CCDC12: variants seen among roughly 807,000 people sequenced by gnomAD.
CCDC12 encodes the protein coiled-coil domain-containing protein 12.
In CCDC12, 28 loss-of-function variants were observed where a neutral mutation model predicts 25.7. The observed-to-expected ratio is 1.09, with a 90% confidence interval of 0.81 to 1.50. The LOEUF (loss-of-function observed/expected upper bound fraction) is 1.50. Among genes scored for constraint, CCDC12 ranks in the 40% most tolerant of loss-of-function variants. The pLI is 0.00. For synonymous variants in CCDC12, 75 were observed against 87.7 expected (o/e 0.86, Z 0.81); for missense variants, 198 against 210.0 (o/e 0.94, Z 0.35).
intron 1 of CCDC12, among the ~76,000 whole-genome samples, chr3:46,963,154 G>A (rs1342334209): frequency 1.3e-5 from 2 of 152,184 alleles, no homozygotes; most frequent in African/African-American, 2.4e-5. Context: ...AGTCCAGAGT[G>A]GTTCCCCTTG....
At chr3:46,950,886 C>T (rs1241038537) in intron 1 of CCDC12, among the ~76,000 whole-genome samples, 2 of 151,996 alleles carry the variant, frequency 1.3e-5, no homozygotes, top group Admixed American at 6.6e-5. Flanking sequence ...TTATGCTAAG[C>T]GAAATAAGCC....
At chr3:46,955,020 C>T (rs2034244171) in intron 1 of CCDC12, among the ~76,000 whole-genome samples, 1 of 152,240 alleles carries the variant, frequency 6.6e-6, no homozygotes, top group South Asian at 2.1e-4. Context: ...TATTCAAAGC[C>T]TGTGACCAAC....
At position 46,922,234 on chromosome 3, in the gene CCDC12, A is replaced by G; in HGVS notation, c.418+2T>C. The G allele has an allele frequency of 6.2e-7, 1 of 1,614,250 alleles. No homozygotes were observed. The highest frequency in any genetic ancestry group is 8.5e-7 in the Non-Finnish European group (1 of 1,180,036). On this transcript the variant is annotated splice_donor_variant, in intron 6 of 6. Transcript: ENST00000683445. LOFTEE classifies it high-confidence loss of function. ...CCCCACCTTCCCAGGCACTGCACTT[A>G]CGGATCAGCTCGGCAATGGCCCTCT...
At chr3:46,962,434 C>CAAAAAAAAAAAAAAAAAAAAAAA (rs33969115) in intron 1 of CCDC12, among the ~76,000 whole-genome samples, 1 of 63,182 alleles carries the variant, frequency 1.6e-5, no homozygotes, top group African/African-American at 6.5e-5. Context: ...AACTCTATCT[C>CAAAAAAAAAAAAAAAAAAAAAAA]AAAAAAAAAA....
chr3:46,937,578 A>G (rs2033502082), intron 2 of CCDC12, among the ~76,000 whole-genome samples: 1 of 152,226 alleles, frequency 6.6e-6, no homozygotes, highest in Non-Finnish European at 1.5e-5. Flanking sequence ...CTTTCTCTCC[A>G]GTGGCAAAGG....
chr3:46,950,180 C>T (rs1342217270), intron 1 of CCDC12, among the ~76,000 whole-genome samples: 2 of 152,154 alleles, frequency 1.3e-5, no homozygotes, highest in Non-Finnish European at 2.9e-5. Flanking sequence ...CTCACCCACC[C>T]CTTGCCCTGA....
intron 1 of CCDC12, among the ~76,000 whole-genome samples, chr3:46,960,333 G>A (rs369720047): frequency 1.1e-3 from 174 of 152,080 alleles, no homozygotes; most frequent in South Asian, 4.6e-3. Context: ...TACATAGATG[G>A]AAGCTGCCTG....
At chr3:46,972,593 G>A (rs1011271255) in intron 1 of CCDC12, among the ~76,000 whole-genome samples, 2 of 151,840 alleles carry the variant, frequency 1.3e-5, no homozygotes, top group Admixed American at 6.6e-5. Flanking sequence ...ACCACAATGG[G>A]ATACCACCAC....
At chr3:46,953,090 G>A (rs1046369207) in intron 1 of CCDC12, among the ~76,000 whole-genome samples, 7 of 152,062 alleles carry the variant, frequency 4.6e-5, no homozygotes, top group East Asian at 1.9e-4. Context: ...CAAACCCATC[G>A]AGAGCCCCAA....
chr3:46,923,472 G>T (rs2032788414), intron 4 of CCDC12, 109 bp from the exon 5 acceptor site: 2 of 1,495,736 alleles, frequency 1.3e-6, no homozygotes, highest in Non-Finnish European at 1.8e-6. Context: ...GAAGGAGAGG[G>T]ACGAGAGCAA....
At chr3:46,976,326 A>C in intron 1 of CCDC12, 2 of 1,278,174 alleles carry the variant, frequency 1.6e-6, no homozygotes, top group South Asian at 1.9e-5. Flanking sequence ...CAAGCATCTG[A>C]ACCTACAGGC....
chr3:46,948,054 G>C (rs2107154131), intron 1 of CCDC12, among the ~76,000 whole-genome samples: 1 of 152,350 alleles, frequency 6.6e-6, no homozygotes, highest in Non-Finnish European at 1.5e-5. Context: ...TGCCTCTGCA[G>C]AGGTCATGGG....
chr3:46,969,794 A>C (rs978743968), intron 1 of CCDC12, among the ~76,000 whole-genome samples: 7 of 152,206 alleles, frequency 4.6e-5, no homozygotes, highest in African/African-American at 1.7e-4. Context: ...GTCAGGCTGA[A>C]GGGAGCAAGT....
intron 1 of CCDC12, among the ~76,000 whole-genome samples, chr3:46,956,221 G>C (rs574170210): frequency 6.6e-6 from 1 of 152,346 alleles, no homozygotes; most frequent in Admixed American, 6.5e-5. Context: ...GATATGAGCT[G>C]ATAGAGGATA....
chr3:46,963,912 C>T (rs570385095), intron 1 of CCDC12, among the ~76,000 whole-genome samples: 2 of 151,702 alleles, frequency 1.3e-5, no homozygotes, highest in African/African-American at 4.9e-5. Context: ...TCTGCCTGGC[C>T]GCCCATCGTC....
At chr3:46,943,430 G>A (rs1224589171) in intron 1 of CCDC12, among the ~76,000 whole-genome samples, 1 of 152,240 alleles carries the variant, frequency 6.6e-6, no homozygotes, top group African/African-American at 2.4e-5. Context: ...TAAGGGCAGA[G>A]AAGGAAAAGC....
chr3:46,947,668 C>T (rs761728018), intron 1 of CCDC12, among the ~76,000 whole-genome samples: 6 of 152,074 alleles, frequency 3.9e-5, no homozygotes, highest in African/African-American at 1.2e-4. Context: ...TGACTTGGTC[C>T]GAGTATCCAC....
chr3:46,976,462 G>A lies in CCDC12; in HGVS notation c.96+175C>T, dbSNP rs911887676. 30 of 1,427,024 alleles carry A rather than the reference G, an allele frequency of 2.1e-5. No homozygotes were observed. The African/African-American group carries it at 3.9e-4, about 19-fold the overall frequency. 88.4% of individuals were successfully genotyped at this position (1,427,024 alleles called of 1,614,324 possible). ...CGCACCAGCGCCAGAGGAGTCCCAC[G>A]CCAAGCAGCCCCAGACATCGTGGGA... On this transcript the variant is annotated intron_variant, in intron 1 of 6. Coordinates refer to ENST00000683445, the MANE Select transcript of CCDC12 (RefSeq NM_001277074.2).
Position 46,976,643 on chromosome 3 carries a change from C to G in CCDC12, c.90G>C (p.Gly30=). The G allele has an allele frequency of 6.2e-7, 1 of 1,610,982 alleles. No homozygotes were observed. The highest frequency in any genetic ancestry group is 8.5e-7 in the Non-Finnish European group (1 of 1,178,604). Residue 30 remains glycine, a synonymous_variant, in exon 1 of 7, where the codon GGG becomes GGC. Coordinates refer to ENST00000683445, the MANE Select transcript of CCDC12 (RefSeq NM_001277074.2). ...ERLKALREKT[G]RKDKEDGEPK... ...CTCACTCCACACTTCTCACCTTGCGCCCGGTTTTCTCCCGTAGGGCCTTCA... is the reference window on the plus strand; with the variant it reads ...CTCACTCCACACTTCTCACCTTGCGGCCGGTTTTCTCCCGTAGGGCCTTCA...
Sources: gnomAD v4.1 joint callset for allele counts (sites outside exome capture counted in the v4.1 genomes callset) on GRCh38, gnomAD v4.1.1 for gene constraint, MANE v1.5 for transcripts, NCBI Gene and HGNC (gene_info 2026-07-23, HGNC 2026-07-21) for gene names.